Variants in CTSS observed in about 807,000 individuals in gnomAD.
The protein encoded by CTSS is cathepsin S.
Under a neutral mutation model 39.9 loss-of-function variants are expected in CTSS, and 15 were observed. That is an observed-to-expected ratio of 0.38 (90% CI 0.25 to 0.58). The LOEUF is 0.58. Ranked by LOEUF, CTSS falls within the 20% of genes least tolerant of loss-of-function variation. The pLI, the probability that CTSS is intolerant of heterozygous loss-of-function variation, is 0.70. For missense variants in CTSS, 250 were observed against 398.2 expected, an observed-to-expected ratio of 0.63 and a Z score of 3.17; for synonymous variants, 126 against 138.2, an observed-to-expected ratio of 0.91 and a Z score of 0.62.
Position 150,733,151 on chromosome 1 carries a change from G to A in CTSS, c.897-6C>T. 6.3e-7 allele frequency: 1 copy of A among 1,597,392 alleles called. No homozygotes were observed. Among genetic ancestry groups the A allele is most frequent in the Admixed American group, 1.7e-5 (1 of 58,438 alleles). On this transcript the variant is annotated splice_region_variant and splice_polypyrimidine_tract_variant and intron_variant, in intron 7 of 7. Transcript: ENST00000368985. Reference sequence around the variant, plus strand: ...CACCAAAGTTGTGGCCCCAGCTTTAGAAAAAGAAATAATACAAAATTACAA... The same window carrying A: ...CACCAAAGTTGTGGCCCCAGCTTTAAAAAAAGAAATAATACAAAATTACAA...
chr1:150,757,961 C>G lies in CTSS; in HGVS notation c.146G>C (p.Arg49Pro). The G allele has an allele frequency of 6.2e-7, 1 of 1,613,784 alleles. No individual in the cohort carries two copies. The highest frequency in any genetic ancestry group is 1.7e-4 in the Middle Eastern group (1 of 6,060). ...CTTTAGATTCTTTTCCCAGATGAGA[C>G]GTCGTACTGCTTCTTCATTCTAAAA... ...YKEKNEEAVR[R>P]LIWEKNLKFV... Residue 49 changes from arginine to proline, a missense_variant, in exon 3 of 8, where the codon CGT becomes CCT. Transcript: ENST00000368985.
At chr1:150,743,587 GTATATTATGTATA>G (rs1652817162) in intron 7 of CTSS, among the ~76,000 whole-genome samples, 1 of 103,268 alleles carries the variant, frequency 9.7e-6, no homozygotes, top group East Asian at 2.7e-4. Context: ...TATTATATAT[GTATATTATGTATA>G]CATAATATAT....
At chr1:150,757,828 T>C (rs2101924834) in intron 3 of CTSS, 30 bp downstream of exon 3, 2 of 1,603,634 alleles carry the variant, frequency 1.2e-6, no homozygotes, top group Non-Finnish European at 1.7e-6. Context: ...TACCCAGACG[T>C]GAAAGTGGGA....
At chr1:150,744,737 A>C (rs1652858332) in intron 7 of CTSS, among the ~76,000 whole-genome samples, 1 of 145,800 alleles carries the variant, frequency 6.9e-6, no homozygotes, top group Non-Finnish European at 1.5e-5. Context: ...ATATTTTTTC[A>C]TGTTAGATTG....
intron 3 of CTSS, among the ~76,000 whole-genome samples, chr1:150,755,429 G>GA (rs1407091427): frequency 9.2e-5 from 14 of 152,044 alleles, no homozygotes; most frequent in African/African-American, 3.4e-4. Context: ...AAGGTAGAGT[G>GA]AAAATACAGT....
intron 7 of CTSS, 82 bp downstream of exon 7, chr1:150,747,695 T>A: frequency 1.1e-6 from 1 of 883,774 alleles, no homozygotes; most frequent in Non-Finnish European, 1.9e-6. Flanking sequence ...ATCATAATGA[T>A]CATCATCAAA....
At chr1:150,742,751 G>A (rs1652794345) in intron 7 of CTSS, among the ~76,000 whole-genome samples, 1 of 152,058 alleles carries the variant, frequency 6.6e-6, no homozygotes, top group East Asian at 1.9e-4. Context: ...GGTTGAGGGG[G>A]GAAAAGGAAA....
In CTSS at chr1:150,750,115, A is replaced by C. The variant is rs1442298607; in HGVS notation, c.684T>G (p.Thr228=). 6.2e-7 allele frequency: 1 copy of C among 1,613,986 alleles called. No individual in the cohort carries two copies. The highest frequency in any genetic ancestry group is 1.1e-5 in the South Asian group (1 of 91,072). The part of the protein sequence containing the change: ...KYRAATCSKY[T]ELPYGREDVL... ...CATCTTCTCTGCCATAAGGAAGTTC[A>C]GTGTACTTTGAACATGTGGCAGCAC... Residue 228 remains threonine, a synonymous_variant, in exon 6 of 8, where the codon ACT becomes ACG. Transcript: ENST00000368985.
At chr1:150,745,191 G>A (rs759895616) in intron 7 of CTSS, among the ~76,000 whole-genome samples, 15 of 152,120 alleles carry the variant, frequency 9.9e-5, no homozygotes, top group Non-Finnish European at 1.9e-4. Flanking sequence ...TTCAAGTAAA[G>A]ATTTAAGGGG....
chr1:150,753,431 T>C (rs1351746924), intron 4 of CTSS, among the ~76,000 whole-genome samples: 1 of 152,202 alleles, frequency 6.6e-6, no homozygotes, highest in African/African-American at 2.4e-5. Flanking sequence ...TATAGAACAC[T>C]CTATCTCTAG....
In CTSS at chr1:150,732,732, CAAGTAGCTGGG is replaced by C; in HGVS notation, c.*303_*313del. The stretch of plus-strand genomic sequence containing the variant: ...CAAGGAATCTCGTGCCTCAGCCTCC[CAAGTAGCTGGG>C]ATTACAGGCATGCACCACCGTGCTC... On this transcript the variant is annotated 3_prime_UTR_variant, in exon 8 of 8. Transcript: ENST00000368985. The C allele has an allele frequency of 5.3e-6, 1 of 188,662 alleles. No homozygotes were observed. The highest frequency in any genetic ancestry group is 1.0e-4 in the South Asian group (1 of 9,692). The allele number at this position is 188,662 out of a possible 1,614,324, so 11.7% of individuals were successfully genotyped here.
chr1:150,757,703 G>C (rs1213515988), intron 3 of CTSS, among the ~76,000 whole-genome samples, 155 bp downstream of exon 3: 2 of 152,082 alleles, frequency 1.3e-5, no homozygotes, highest in African/African-American at 4.8e-5. Flanking sequence ...AGAAATTTCT[G>C]TACACGTTCT....
At position 150,742,716 on chromosome 1, in the gene CTSS, C is replaced by CA. The variant is rs587712808; in HGVS notation, c.896+5060dup. On this transcript the variant is annotated intron_variant, in intron 7 of 7. Transcript: ENST00000368985. ...GAAAATACATATAAAATATGATTCA[C>CA]AGGCCAAATGGATAGGGCTGGGTGG... 2.0e-3 allele frequency among the ~76,000 whole-genome samples: 309 copies of CA among 152,156 alleles called. 2 individuals are homozygous for CA. The highest frequency in any genetic ancestry group is 2.1e-3 in the Non-Finnish European group (141 of 68,004).
In CTSS at chr1:150,755,165, T is replaced by G. The variant is rs950331209; in HGVS notation, c.250-15A>C. 10 of 1,613,256 alleles carry G rather than the reference T, an allele frequency of 6.2e-6. No homozygotes were observed. In the Admixed American group the frequency reaches 1.7e-4, roughly 27 times the overall value. ...TCTTCACTGGTCTACAAAGCAAATA[T>G]ACAGTCAGGCATTGTTTAATGACTG... On this transcript the variant is annotated splice_polypyrimidine_tract_variant and intron_variant, in intron 3 of 7. Transcript: ENST00000368985.
chr1:150,735,887 G>C (rs754934798), intron 7 of CTSS, among the ~76,000 whole-genome samples: 71 of 151,562 alleles, frequency 4.7e-4, no homozygotes, highest in Non-Finnish European at 9.1e-4. Context: ...CTCCTCAGTA[G>C]CTGGAATTAC....
At chr1:150,750,743 C>A (rs587749037) in intron 5 of CTSS, among the ~76,000 whole-genome samples, 136 of 152,168 alleles carry the variant, frequency 8.9e-4, no homozygotes, top group African/African-American at 3.2e-3. Flanking sequence ...CCAAGTGATT[C>A]TCCCACCTCA....
chr1:150,747,829 C>T lies in CTSS; in HGVS notation c.844G>A (p.Val282Met). The T allele has an allele frequency of 1.2e-6, 2 of 1,613,854 alleles. No individual in the cohort carries two copies. The highest frequency in any genetic ancestry group is 1.1e-5 in the South Asian group (1 of 91,060). Reference sequence around the variant, plus strand: ...CCATTAAGATCACCATAGCCAACCACAAGTACACCATGATTCACATTCTGA... The same window carrying T: ...CCATTAAGATCACCATAGCCAACCATAAGTACACCATGATTCACATTCTGA... ...CTQNVNHGVL[V>M]VGYGDLNGKE... Residue 282 changes from valine to methionine, a missense_variant, in exon 7 of 8, where the codon GTG (valine) becomes ATG (methionine). Physicochemically the swap from Val to Met is conservative, Grantham distance 21 (BLOSUM62 1). Transcript: ENST00000368985.
At chr1:150,742,840 G>A (rs1407551914) in intron 7 of CTSS, among the ~76,000 whole-genome samples, 1 of 152,136 alleles carries the variant, frequency 6.6e-6, no homozygotes, top group Non-Finnish European at 1.5e-5. Context: ...TTTCCCTTGA[G>A]CTTGTTTGAA....
intron 7 of CTSS, among the ~76,000 whole-genome samples, chr1:150,741,599 C>T (rs985702866): frequency 3.3e-5 from 5 of 152,176 alleles, no homozygotes; most frequent in Admixed American, 6.5e-5. Context: ...ACTGGCTGTG[C>T]GCAGTGGCTT....
Sources: allele counts gnomAD v4.1 joint callset (sites outside exome capture counted in the v4.1 genomes callset), GRCh38; gene constraint gnomAD v4.1.1; transcripts MANE v1.5; gene names NCBI Gene and HGNC (gene_info 2026-07-23, HGNC 2026-07-21).